The following TMPRSS4 variants were observed in gnomAD, a reference collection of about 807,000 sequenced individuals.
TMPRSS4 encodes the protein transmembrane protease serine 4.
A neutral mutation model predicts 56.4 loss-of-function variants in TMPRSS4; 45 were observed. That is an observed-to-expected ratio of 0.80 (90% CI 0.63 to 1.02). TMPRSS4 has a LOEUF of 1.02. TMPRSS4 is among the 50% of genes least tolerant of loss of function. The probability of loss-of-function intolerance (pLI) is 0.00; values close to 1 mark genes in which losing one functional copy is unlikely to be tolerated. For synonymous variants in TMPRSS4, 205 were observed against 211.0 expected (o/e 0.97, Z 0.25); for missense variants, 546 against 556.7 (o/e 0.98, Z 0.19).
At chr11:118,094,698 A>AC (rs1194145809) in intron 1 of TMPRSS4, 118 bp from the exon 2 acceptor site, 2 of 829,506 alleles carry the variant, frequency 2.4e-6, no homozygotes, top group East Asian at 5.3e-5. Flanking sequence ...TAACACAGAG[A>AC]CCCCCAACGT....
At chr11:118,107,673 T>G (rs1353150126) in intron 5 of TMPRSS4, 101 bp from the exon 6 acceptor site, 5 of 967,630 alleles carry the variant, frequency 5.2e-6, no homozygotes, top group Non-Finnish European at 7.9e-6. Flanking sequence ...CCACCAAGCA[T>G]TCTCTGCCAC....
chr11:118,107,634 T>G (rs56194858), intron 5 of TMPRSS4, 140 bp from the exon 6 acceptor site: 19,730 of 657,600 alleles, frequency 0.03, 1,113 homozygotes, highest in African/African-American at 0.15. Context: ...CTTCACTGAC[T>G]AAGACCATCT....
intron 3 of TMPRSS4, among the ~76,000 whole-genome samples, chr11:118,099,457 G>GAGAA (rs1555085801): frequency 1.1e-3 from 28 of 25,306 alleles, no homozygotes; most frequent in Admixed American, 2.5e-3. Flanking sequence ...GAGAGAAAGA[G>GAGAA]AGAAAGAAAG....
Position 118,104,690 on chromosome 11 carries a change from G to T in TMPRSS4, c.311-1G>T. ...TCTAACTCAGGTTCCTTTCCTCCCA[G>T]TCCGCCTCTCCAAGGACCGATCCAC... On this transcript the variant is annotated splice_acceptor_variant, in intron 4 of 12. Coordinates refer to ENST00000437212, the MANE Select transcript of TMPRSS4 (RefSeq NM_019894.4). LOFTEE classifies it high-confidence loss of function. 6.2e-7 allele frequency: 1 copy of T among 1,613,708 alleles called. No homozygotes were observed. The highest frequency in any genetic ancestry group is 8.5e-7 in the Non-Finnish European group (1 of 1,179,918).
At chr11:118,096,934 AAG>A (rs1411460766) in intron 2 of TMPRSS4, among the ~76,000 whole-genome samples, 7 of 56,302 alleles carry the variant, frequency 1.2e-4, no homozygotes, top group South Asian at 5.8e-4. Flanking sequence ...GAAAGAAAGA[AAG>A]AGAAAGAAAG....
Position 118,096,889 on chromosome 11 carries a change from A to G in TMPRSS4, c.43+2034A>G, listed in dbSNP as rs1184079345. 1.7e-4 allele frequency among the ~76,000 whole-genome samples: 9 copies of G among 53,850 alleles called. 1 individual carries two copies. In the South Asian group the frequency reaches 3.6e-3, roughly 22 times the overall value. The allele number at this position is 53,850 out of a possible 152,430, so 35.3% of individuals were successfully genotyped here. A position where few individuals can be genotyped will look rare whatever the true frequency, so the allele number is the denominator to read the frequency against. ...AAAGAAAGAAAGAAAGAAAGAAAGA[A>G]AGAAAGAAAGAAAGAAAGAAAGGGA... On this transcript the variant is annotated intron_variant, in intron 2 of 12. Coordinates refer to ENST00000437212, the MANE Select transcript of TMPRSS4 (RefSeq NM_019894.4).
At chr11:118,123,175 G>T (rs768378786), downstream of TMPRSS4, among the ~76,000 whole-genome samples, 23 of 151,692 alleles carry the variant, frequency 1.5e-4, no homozygotes, top group Non-Finnish European at 2.6e-4. Flanking sequence ...TCATCCCACG[G>T]ATCCCTTGCT....
At chr11:118,114,696 T>C in intron 9 of TMPRSS4, 133 bp from the exon 10 acceptor site, 1 of 969,566 alleles carries the variant, frequency 1.0e-6, no homozygotes, top group South Asian at 1.6e-5. Flanking sequence ...AGTTGTTTAC[T>C]ATCTGCAGGA....
downstream of TMPRSS4, among the ~76,000 whole-genome samples, chr11:118,124,388 AAAAAC>A (rs199865357): frequency 0.016 from 2,439 of 152,268 alleles, 99 homozygotes; most frequent in East Asian, 0.079. Flanking sequence ...CATCTCAACA[AAAAAC>A]AAAACAAAAC....
intron 7 of TMPRSS4, among the ~76,000 whole-genome samples, chr11:118,111,493 A>T (rs1229655361): frequency 6.6e-6 from 1 of 151,642 alleles, no homozygotes. Flanking sequence ...TGAACTCCTA[A>T]ACACATCTTA....
chr11:118,095,895 C>T (rs796791989), intron 2 of TMPRSS4, among the ~76,000 whole-genome samples: 1 of 152,160 alleles, frequency 6.6e-6, no homozygotes, highest in Non-Finnish European at 1.5e-5. Context: ...GAGGGAGGAA[C>T]AACAGCCGGC....
At chr11:118,107,959 C>A in intron 6 of TMPRSS4, 84 bp downstream of exon 6, 1 of 1,111,160 alleles carries the variant, frequency 9.0e-7, no homozygotes, top group African/African-American at 1.5e-5. Context: ...ACCTGGAACC[C>A]CAAGCAGCCA....
chr11:118,083,500 C>G (rs978088612), intron 1 of TMPRSS4, among the ~76,000 whole-genome samples: 2 of 152,296 alleles, frequency 1.3e-5, no homozygotes, highest in African/African-American at 4.8e-5. Flanking sequence ...TGCTCAGTTC[C>G]TATTACATAC....
chr11:118,111,689 C>T (rs1483961772), intron 7 of TMPRSS4, 52 bp from the exon 8 acceptor site: 5 of 1,476,656 alleles, frequency 3.4e-6, no homozygotes, highest in Admixed American at 2.4e-5. Context: ...GAGGCAGCCT[C>T]ATCCCCAACA....
intron 1 of TMPRSS4, among the ~76,000 whole-genome samples, chr11:118,093,808 A>G (rs1946123440): frequency 1.4e-5 from 1 of 72,112 alleles, no homozygotes; most frequent in African/African-American, 5.4e-5. Flanking sequence ...GTTCCTTCCA[A>G]TAACTAACTG....
In TMPRSS4 at chr11:118,113,450, C is replaced by T; in HGVS notation, c.910+15C>T. On this transcript the variant is annotated intron_variant, in intron 9 of 12. Coordinates refer to ENST00000437212, the MANE Select transcript of TMPRSS4 (RefSeq NM_019894.4). ...CACTTTCTCAGGTGAGAAGCAGGGC[C>T]CAAGGCCACTCAAGCCTCTTACATC... 6.2e-7 allele frequency: 1 copy of T among 1,612,334 alleles called. No individual in the cohort carries two copies. Among genetic ancestry groups the T allele is most frequent in the Non-Finnish European group, 8.5e-7 (1 of 1,178,786 alleles).
chr11:118,077,117 C>A lies in TMPRSS4; in HGVS notation c.-186C>A. The stretch of plus-strand genomic sequence containing the variant: ...CAGAGAGAGGCAGCAGCTTGCTCAG[C>A]GGACAAGGATGCTGGGCGTGAGGGA... On this transcript the variant is annotated 5_prime_UTR_variant, in exon 1 of 13. Transcript: ENST00000437212. The A allele has an allele frequency of 1.7e-6, 1 of 583,726 alleles. No individual in the cohort carries two copies. The highest frequency in any genetic ancestry group is 3.0e-6 in the Non-Finnish European group (1 of 336,802). The allele number at this position is 583,726 out of a possible 1,614,324, so 36.2% of individuals were successfully genotyped here. A position where few individuals can be genotyped will look rare whatever the true frequency, so the allele number is the denominator to read the frequency against.
downstream of TMPRSS4, among the ~76,000 whole-genome samples, chr11:118,123,747 A>G (rs1330284603): frequency 6.6e-6 from 1 of 151,938 alleles, no homozygotes; most frequent in Non-Finnish European, 1.5e-5. Flanking sequence ...GATGGTCTTG[A>G]TCTCCTGACC....
rs778307059 is a variant in TMPRSS4, at chr11:118,117,893, T to C, written c.1303-9T>C. 6 of 1,613,818 alleles carry C rather than the reference T, an allele frequency of 3.7e-6. No individual in the cohort carries two copies. The South Asian group carries it at 6.6e-5, about 18-fold the overall frequency. ...CTGACTTTCTCTTCATCGGTCTCTCTTATTCTAGGCTGAGCTGTAATGCTG... is the reference window on the plus strand; with the variant it reads ...CTGACTTTCTCTTCATCGGTCTCTCCTATTCTAGGCTGAGCTGTAATGCTG... On this transcript the variant is annotated splice_polypyrimidine_tract_variant and intron_variant, in intron 12 of 12. Transcript: ENST00000437212.
Sources: allele counts gnomAD v4.1 joint callset (sites outside exome capture counted in the v4.1 genomes callset), GRCh38; gene constraint gnomAD v4.1.1; transcripts MANE v1.5; gene names NCBI Gene and HGNC (gene_info 2026-07-23, HGNC 2026-07-21).